The following DCC variants were observed in gnomAD, a reference collection of about 807,000 sequenced individuals.
DCC encodes the protein netrin receptor DCC.
Under a neutral mutation model 172.5 loss-of-function variants are expected in DCC, and 58 were observed. The ratio of observed to expected loss-of-function variants is 0.34; its 90% CI spans 0.27 to 0.42. The LOEUF (loss-of-function observed/expected upper bound fraction) is 0.42, where lower values mean the gene tolerates loss of function less well. Among genes scored for constraint, DCC ranks in the 10% least tolerant of loss-of-function variants. The pLI is 1.00. For synonymous variants in DCC, 709 were observed against 644.5 expected (o/e 1.10, Z -1.52); for missense variants, 1,740 against 1,791.0 (o/e 0.97, Z 0.51).
At chr18:52,523,012 G>T (rs1173071880) in intron 1 of DCC, among the ~76,000 whole-genome samples, 4 of 152,166 alleles carry the variant, frequency 2.6e-5, no homozygotes, top group African/African-American at 9.7e-5. Context: ...TGAAGTGATT[G>T]TCTGTTCTGA....
At chr18:52,556,932 A>G (rs548574930) in intron 1 of DCC, among the ~76,000 whole-genome samples, 3 of 152,318 alleles carry the variant, frequency 2.0e-5, no homozygotes, top group Non-Finnish European at 2.9e-5. Flanking sequence ...CCCAATGGCT[A>G]TAACAACATT....
intron 2 of DCC, among the ~76,000 whole-genome samples, chr18:52,862,749 A>G (rs1053388011): frequency 6.6e-6 from 1 of 150,804 alleles, no homozygotes; most frequent in Non-Finnish European, 1.5e-5. Flanking sequence ...AATCAAAAAC[A>G]CTTACTCTTT....
At chr18:53,162,562 C>A (rs1319842595) in intron 8 of DCC, among the ~76,000 whole-genome samples, 1 of 152,158 alleles carries the variant, frequency 6.6e-6, no homozygotes, top group Non-Finnish European at 1.5e-5. Context: ...ACTTCTCTAA[C>A]CTCATCACGT....
chr18:53,050,059 A>G (rs1444214387), intron 5 of DCC, among the ~76,000 whole-genome samples: 1 of 147,886 alleles, frequency 6.8e-6, no homozygotes, highest in Non-Finnish European at 1.5e-5. Context: ...AAAAAGCTGA[A>G]AAACTTAGAG....
At chr18:52,822,646 T>C (rs779365711) in intron 2 of DCC, among the ~76,000 whole-genome samples, 26 of 152,206 alleles carry the variant, frequency 1.7e-4, no homozygotes, top group Non-Finnish European at 2.9e-4. Context: ...ATACTTGGGA[T>C]CCACAGTTTT....
intron 5 of DCC, among the ~76,000 whole-genome samples, chr18:52,939,423 G>GT (rs1294946435): frequency 2.0e-5 from 3 of 152,008 alleles, no homozygotes; most frequent in African/African-American, 4.8e-5. Context: ...ATTAACTGTT[G>GT]TTTTTTTGTC....
intron 5 of DCC, among the ~76,000 whole-genome samples, chr18:53,022,149 G>T (rs190416031): frequency 4.5e-4 from 68 of 152,072 alleles, no homozygotes; most frequent in African/African-American, 1.6e-3. Flanking sequence ...TATCTTTTCA[G>T]GAAAATAAAT....
At chr18:52,376,481 CT>C (rs1568139529) in intron 1 of DCC, among the ~76,000 whole-genome samples, 1 of 135,278 alleles carries the variant, frequency 7.4e-6, no homozygotes, top group African/African-American at 2.9e-5. Context: ...TAGTATATTT[CT>C]ATGTGTGTGT....
At chr18:52,541,562 C>G (rs1482998837) in intron 1 of DCC, among the ~76,000 whole-genome samples, 6 of 152,024 alleles carry the variant, frequency 3.9e-5, no homozygotes, top group Non-Finnish European at 8.8e-5. Context: ...ACTGGAGTAT[C>G]AAGGGCATGG....
intron 15 of DCC, among the ~76,000 whole-genome samples, chr18:53,349,715 C>A (rs2057766813): frequency 6.6e-6 from 1 of 152,184 alleles, no homozygotes; most frequent in Non-Finnish European, 1.5e-5. Flanking sequence ...TGCATAGAAA[C>A]TCCCTTTTTT....
At chr18:53,113,819 A>G (rs1459290236) in intron 7 of DCC, among the ~76,000 whole-genome samples, 1 of 151,262 alleles carries the variant, frequency 6.6e-6, no homozygotes, top group Non-Finnish European at 1.5e-5. Flanking sequence ...ATTTTCTTTC[A>G]TTTTTAACTG....
At chr18:52,693,991 G>T (rs1051928473) in intron 1 of DCC, among the ~76,000 whole-genome samples, 1 of 152,120 alleles carries the variant, frequency 6.6e-6, no homozygotes, top group African/African-American at 2.4e-5. Flanking sequence ...ATAGAGCATG[G>T]AAAGGGGATA....
intron 2 of DCC, among the ~76,000 whole-genome samples, chr18:52,811,462 A>G (rs560578004): frequency 4.5e-4 from 68 of 152,354 alleles, no homozygotes; most frequent in Non-Finnish European, 6.3e-4. Context: ...GAAATTGGGC[A>G]AATAACTTAT....
intron 12 of DCC, among the ~76,000 whole-genome samples, chr18:53,244,772 G>A (rs1245260537): frequency 3.3e-5 from 5 of 152,156 alleles, no homozygotes; most frequent in Admixed American, 2.6e-4. Flanking sequence ...TCCCTTTGTA[G>A]AGGCTAGAAG....
At chr18:53,478,385 C>T (rs1382044062) in intron 25 of DCC, among the ~76,000 whole-genome samples, 1 of 152,154 alleles carries the variant, frequency 6.6e-6, no homozygotes, top group Non-Finnish European at 1.5e-5. Context: ...TGGCCATTTT[C>T]AACCCATTTT....
chr18:52,809,171 A>G (rs1238033045), intron 2 of DCC: 1 of 152,258 alleles, frequency 6.6e-6, no homozygotes, highest in African/African-American at 2.4e-5. Context: ...CATCTTTAGA[A>G]CATTTGAAGT....
rs73461594 is a variant in DCC at position 53,225,116 on chromosome 18, A to G, written c.1911+9519A>G. ...TTCCAAAGGGTGGGAGCTGTTAACTATGTCATATACTAATGAGAGATACAG... is the reference window on the plus strand; with the variant it reads ...TTCCAAAGGGTGGGAGCTGTTAACTGTGTCATATACTAATGAGAGATACAG... On this transcript the variant is annotated intron_variant, in intron 12 of 28. Transcript: ENST00000442544. Among the ~76,000 whole-genome samples, 252 of 152,248 alleles carry G rather than the reference A, an allele frequency of 1.7e-3. 2 individuals are homozygous for G. Among genetic ancestry groups the G allele is most frequent in the African/African-American group, 5.9e-3 (244 of 41,550 alleles).
chr18:52,758,037 G>GTAA (rs1349266377), intron 2 of DCC, among the ~76,000 whole-genome samples: 3 of 151,914 alleles, frequency 2.0e-5, no homozygotes, highest in African/African-American at 7.3e-5. Context: ...AACAATAATG[G>GTAA]TAATAATGAT....
chr18:53,137,590 G>C (rs1177365864), intron 7 of DCC, among the ~76,000 whole-genome samples: 1 of 152,066 alleles, frequency 6.6e-6, no homozygotes, highest in East Asian at 1.9e-4. Flanking sequence ...TATAAATTTT[G>C]CTATATTGTA....
Sources: allele counts gnomAD v4.1 joint callset (sites outside exome capture counted in the v4.1 genomes callset), GRCh38; gene constraint gnomAD v4.1.1; transcripts MANE v1.5; gene names NCBI Gene and HGNC (gene_info 2026-07-23, HGNC 2026-07-21).